MYH14: variants seen among roughly 807,000 people sequenced by gnomAD.
MYH14 encodes the protein myosin heavy chain 14, also known as myosin-14.
MYH14 carries 123 observed loss-of-function variants against 255.5 expected under a neutral mutation model. The observed-to-expected ratio is 0.48, with a 90% CI of 0.42 to 0.56. The LOEUF is 0.56. MYH14 is among the 20% of genes least tolerant of loss of function. The pLI is 0.00. For missense variants in MYH14, 2,423 were observed against 2,802.3 expected (o/e 0.86, Z 3.06); for synonymous variants, 1,095 against 1,161.2 (o/e 0.94, Z 1.16).
At chr19:50,216,974 A>ATT (rs35911084) in intron 2 of MYH14, among the ~76,000 whole-genome samples, 2 of 150,810 alleles carry the variant, frequency 1.3e-5, no homozygotes. Context: ...CACCTGGCTA[A>ATT]TTTTTTTTGT....
chr19:50,210,539 G>T lies in MYH14; in HGVS notation c.174G>T (p.Val58=). ...GGACGGCCCGGCGTCTCGTGTGGGT[G>T]CCTTCGGAGCTTCACGGGTTCGAGG... ...VEWTARRLVW[V]PSELHGFEAA... is the part of the protein sequence containing the mutation. Residue 58 remains valine, a synonymous_variant, in exon 2 of 43, where the codon GTG becomes GTT. Coordinates refer to ENST00000642316, the MANE Select transcript of MYH14 (RefSeq NM_001145809.2). 6.3e-7 allele frequency: 1 copy of T among 1,580,560 alleles called. No individual in the cohort carries two copies.
chr19:50,284,953 G>C (rs1420578591), intron 33 of MYH14: 1 of 141,998 alleles, frequency 7.0e-6, no homozygotes, highest in African/African-American at 2.6e-5. Flanking sequence ...CTGGAGTGCA[G>C]TGGCGTGATC....
chr19:50,230,504 A>T lies in MYH14; in HGVS notation c.875-21A>T. The T allele has an allele frequency of 6.4e-7, 1 of 1,551,534 alleles. No homozygotes were observed. The highest frequency in any genetic ancestry group is 8.7e-7 in the Non-Finnish European group (1 of 1,147,144). On this transcript the variant is annotated intron_variant, in intron 8 of 42. Coordinates refer to ENST00000642316, the MANE Select transcript of MYH14 (RefSeq NM_001145809.2). This position sits in a 1 kb window ranked among gnomAD's most constrained non-coding sequence, Gnocchi z 4.7. Reference sequence around the variant, plus strand: ...TCGGGGCCGTCCCTTCCCCTCTAGCACCTTGACTCGCTGTGTCCAGACCTG... The same window carrying T: ...TCGGGGCCGTCCCTTCCCCTCTAGCTCCTTGACTCGCTGTGTCCAGACCTG...
chr19:50,210,335 C>G, intron 1 of MYH14, 28 bp from the exon 2 acceptor site: 1 of 1,561,246 alleles, frequency 6.4e-7, no homozygotes, highest in Non-Finnish European at 8.7e-7. Flanking sequence ...CCCCATCTGA[C>G]CCCCACCCTC....
intron 27 of MYH14, among the ~76,000 whole-genome samples, chr19:50,273,601 G>T (rs3223040): frequency 0.37 from 50,496 of 137,238 alleles, 9,031 homozygotes; most frequent in East Asian, 0.64. Context: ...GAACATGGGG[G>T]GTGTGTGTGT....
In MYH14 at chr19:50,227,190, G is replaced by A. The variant is rs578001765; in HGVS notation, c.874+224G>A. Among the ~76,000 whole-genome samples, 9 of 152,186 alleles carry A rather than the reference G, an allele frequency of 5.9e-5. No individual in the cohort carries two copies. The South Asian group carries it at 1.9e-3, about 32-fold the overall frequency. On this transcript the variant is annotated intron_variant, in intron 8 of 42. Coordinates refer to ENST00000642316, the MANE Select transcript of MYH14 (RefSeq NM_001145809.2). ...GGTGGGTTGGGGTCCACCCAGTTCA[G>A]CCATAAGGGGAGTCCCAGCACTTAG...
intron 10 of MYH14, among the ~76,000 whole-genome samples, chr19:50,239,320 T>C (rs937295837): frequency 6.6e-6 from 1 of 151,536 alleles, no homozygotes; most frequent in Non-Finnish European, 1.5e-5. Flanking sequence ...TGCCCAGCCC[T>C]CTTGCTCTCT....
At position 50,271,947 on chromosome 19, in the gene MYH14, T is replaced by C. The variant is rs1016836635; in HGVS notation, c.3270T>C (p.Tyr1090=). ...GCCTCAATAAGCTACGGCTCAAATA[T>C]GAGGCCACAATCGCAGACATGGAGG... ...VKSLNKLRLK[Y]EATIADMEDR... Residue 1090 remains tyrosine (Y), a synonymous_variant, in exon 26 of 43, where the codon TAT becomes TAC. Transcript: ENST00000642316. 6 of 1,611,092 alleles carry C rather than the reference T, an allele frequency of 3.7e-6. No individual in the cohort carries two copies. The highest frequency in any genetic ancestry group is 5.1e-6 in the Non-Finnish European group (6 of 1,178,816).
intron 10 of MYH14, among the ~76,000 whole-genome samples, chr19:50,239,168 C>A (rs1420747624): frequency 2.0e-5 from 3 of 152,008 alleles, no homozygotes; most frequent in African/African-American, 2.4e-5. Flanking sequence ...TACAGGCATG[C>A]GCCGCCACAC....
intron 30 of MYH14, 107 bp downstream of exon 30, chr19:50,278,396 C>T (rs2035589518): frequency 1.3e-6 from 1 of 797,604 alleles, no homozygotes. Flanking sequence ...TCTCGTTTGG[C>T]TCTTCCAACA....
intron 12 of MYH14, 113 bp downstream of exon 12, chr19:50,247,235 C>G: frequency 1.4e-6 from 1 of 721,058 alleles, no homozygotes; most frequent in Non-Finnish European, 2.4e-6. Flanking sequence ...GCTGAGTGCC[C>G]GCTCCGTTAC....
chr19:50,210,833 C>G, intron 2 of MYH14, 63 bp downstream of exon 2: 1 of 1,525,964 alleles, frequency 6.6e-7, no homozygotes, highest in Non-Finnish European at 8.8e-7. Flanking sequence ...GAACCAGGTC[C>G]ACCACCCGGC....
intron 40 of MYH14, among the ~76,000 whole-genome samples, chr19:50,303,753 A>G (rs1018970621): frequency 6.6e-6 from 1 of 152,168 alleles, no homozygotes; most frequent in Non-Finnish European, 1.5e-5. Context: ...CCTCATGGTC[A>G]TAAAATGGCT....
chr19:50,220,678 G>A (rs868279910), intron 3 of MYH14, among the ~76,000 whole-genome samples: 25 of 151,590 alleles, frequency 1.6e-4, no homozygotes, highest in African/African-American at 4.8e-4. Context: ...TCAGCCTCCC[G>A]AGTGGCTGGG....
At chr19:50,282,552 A>C (rs2035759358) in intron 33 of MYH14, among the ~76,000 whole-genome samples, 2 of 152,116 alleles carry the variant, frequency 1.3e-5, no homozygotes, top group African/African-American at 4.8e-5. Context: ...AATACAAAAA[A>C]ATTAGCTGGG....
intron 30 of MYH14, among the ~76,000 whole-genome samples, chr19:50,278,550 T>A (rs2035596380): frequency 1.3e-5 from 2 of 150,778 alleles, no homozygotes; most frequent in Admixed American, 6.6e-5. Flanking sequence ...AAAAAAAAAT[T>A]TTAATTAGCC....
At chr19:50,268,758 C>T (rs973346703) in intron 24 of MYH14, among the ~76,000 whole-genome samples, 3 of 152,014 alleles carry the variant, frequency 2.0e-5, no homozygotes, top group Non-Finnish European at 4.4e-5. Context: ...AAGTGATATC[C>T]TCAGCTTCAG....
rs1317133811 is a variant in MYH14, at chr19:50,280,341, C to T, written c.4248C>T (p.Ala1416=). 6.5e-7 allele frequency: 1 copy of T among 1,548,592 alleles called. No homozygotes were observed. The highest frequency in any genetic ancestry group is 8.7e-7 in the Non-Finnish European group (1 of 1,146,068). Residue 1416 remains alanine (A), a synonymous_variant, in exon 32 of 43, where the codon GCC becomes GCT. Coordinates refer to ENST00000642316, the MANE Select transcript of MYH14 (RefSeq NM_001145809.2). The surrounding 1 kb of genome is among the most constrained non-coding windows in gnomAD (Gnocchi z 4.8). ...LREQLEEEAA[A]RERAGRELQT... Reference sequence around the variant, plus strand: ...AGCAGCTGGAGGAGGAGGCAGCTGCCAGGGAACGGGCGGGCCGTGAACTGC... The same window carrying T: ...AGCAGCTGGAGGAGGAGGCAGCTGCTAGGGAACGGGCGGGCCGTGAACTGC...
intron 22 of MYH14, 44 bp downstream of exon 22, chr19:50,263,464 G>A: frequency 7.0e-7 from 1 of 1,424,604 alleles, no homozygotes; most frequent in African/African-American, 1.4e-5. Flanking sequence ...GAGAGGATAG[G>A]GCCTTGGGGC....
Sources: gnomAD v4.1 joint callset for allele counts (sites outside exome capture counted in the v4.1 genomes callset) on GRCh38, gnomAD v4.1.1 for gene constraint, Gnocchi (gnomAD v3.1) non-coding constraint, MANE v1.5 for transcripts, NCBI Gene and HGNC (gene_info 2026-07-23, HGNC 2026-07-21) for gene names.